The following CEP128 variants were observed in gnomAD, a reference collection of about 807,000 sequenced individuals.
CEP128 encodes centrosomal protein 128, also known as centrosomal protein 128kDa.
A neutral mutation model predicts 156.7 loss-of-function variants in CEP128; 132 were observed. The observed-to-expected ratio is 0.84, with a 90% CI of 0.73 to 0.97. CEP128 has a LOEUF of 0.97. CEP128 is among the 50% of genes least tolerant of loss of function. The pLI is 0.00. For missense variants in CEP128, 1,252 were observed against 1,281.9 expected (o/e 0.98, Z 0.36); for synonymous variants, 469 against 448.9 (o/e 1.04, Z -0.57).
intron 19 of CEP128, among the ~76,000 whole-genome samples, chr14:80,692,243 T>C (rs554413569): frequency 6.6e-5 from 10 of 152,296 alleles, no homozygotes; most frequent in African/African-American, 2.2e-4. Flanking sequence ...AAGCAGTAAA[T>C]GCAGAAGTTT....
chr14:80,951,664 A>C (rs1348274743), intron 2 of CEP128, among the ~76,000 whole-genome samples: 1 of 152,150 alleles, frequency 6.6e-6, no homozygotes, highest in African/African-American at 2.4e-5. Flanking sequence ...ATGTAATGTG[A>C]ATAATGACAT....
intron 19 of CEP128, among the ~76,000 whole-genome samples, chr14:80,612,959 GCCTCCC>G (rs1315850734): frequency 1.3e-5 from 2 of 150,406 alleles, no homozygotes; most frequent in Non-Finnish European, 3.0e-5. Flanking sequence ...TCCTGCCTCA[GCCTCCC>G]GAGTAGCTGG....
chr14:80,912,089 C>T (rs528625580), intron 4 of CEP128, among the ~76,000 whole-genome samples: 3 of 152,096 alleles, frequency 2.0e-5, no homozygotes, highest in Non-Finnish European at 2.9e-5. Flanking sequence ...TAGTGGCATG[C>T]GCCTGTTGTC....
At chr14:80,714,068 G>A (rs1041875098) in intron 19 of CEP128, among the ~76,000 whole-genome samples, 1 of 152,126 alleles carries the variant, frequency 6.6e-6, no homozygotes, top group African/African-American at 2.4e-5. Flanking sequence ...AATATTTGGA[G>A]AAGATAAATC....
chr14:80,684,214 A>G (rs1047111607), intron 19 of CEP128, among the ~76,000 whole-genome samples: 2 of 152,084 alleles, frequency 1.3e-5, no homozygotes, highest in African/African-American at 4.8e-5. Context: ...AACAAAGGGG[A>G]AAAAAATAGA....
intron 2 of CEP128, among the ~76,000 whole-genome samples, chr14:80,934,050 C>A (rs1262333989): frequency 6.6e-6 from 1 of 152,164 alleles, no homozygotes; most frequent in Non-Finnish European, 1.5e-5. Flanking sequence ...GCAAGCAAGT[C>A]ACTTACTGTG....
chr14:80,646,168 G>A (rs536490597), intron 19 of CEP128, among the ~76,000 whole-genome samples: 5 of 152,008 alleles, frequency 3.3e-5, no homozygotes, highest in African/African-American at 4.8e-5. Context: ...AACGTAAAAC[G>A]CCAAGAATGA....
chr14:80,764,805 C>T (rs1362184768), intron 16 of CEP128, among the ~76,000 whole-genome samples: 2 of 152,174 alleles, frequency 1.3e-5, no homozygotes, highest in Non-Finnish European at 2.9e-5. Flanking sequence ...TTAAACTAAA[C>T]AAACAAATCC....
chr14:80,684,358 A>C (rs1467460416), intron 19 of CEP128, among the ~76,000 whole-genome samples: 1 of 152,110 alleles, frequency 6.6e-6, no homozygotes, highest in East Asian at 1.9e-4. Context: ...CAAATGAATA[A>C]ATTCTTGAAA....
At chr14:80,743,728 A>G (rs950392331) in intron 18 of CEP128, among the ~76,000 whole-genome samples, 6 of 152,224 alleles carry the variant, frequency 3.9e-5, no homozygotes, top group African/African-American at 1.4e-4. Flanking sequence ...CTAATTAGGC[A>G]TGAGGAGAGA....
In CEP128 at chr14:80,900,116, T is replaced by G; in HGVS notation, c.481-87A>C. On this transcript the variant is annotated intron_variant, in intron 6 of 24. Transcript: ENST00000555265. The stretch of plus-strand genomic sequence containing the variant: ...ACCAAAGGTAAGAATAAGATCTTGT[T>G]CCTTGCAATAATAACCAGATTCCGT... 1.0e-5 allele frequency: 8 copies of G among 803,122 alleles called. No individual in the cohort carries two copies. The South Asian group carries it at 1.3e-4, about 13-fold the overall frequency. The allele number at this position is 803,122 out of a possible 1,614,324, so 49.7% of individuals were successfully genotyped here.
chr14:80,618,761 A>G (rs1893337654), intron 19 of CEP128, among the ~76,000 whole-genome samples: 1 of 152,208 alleles, frequency 6.6e-6, no homozygotes, highest in Non-Finnish European at 1.5e-5. Flanking sequence ...AAGCTATAGT[A>G]CCCAAACTTT....
At chr14:80,554,878 T>C (rs1445535366) in intron 21 of CEP128, among the ~76,000 whole-genome samples, 6 of 152,104 alleles carry the variant, frequency 3.9e-5, no homozygotes, top group Non-Finnish European at 8.8e-5. Flanking sequence ...ATATCTTATG[T>C]TGGGTGATAA....
At chr14:80,478,229 T>G (rs1031507492) in exon 15 of CEP128, 1 of 152,158 alleles carries the variant, frequency 6.6e-6, no homozygotes, top group African/African-American at 2.4e-5. Context: ...CAGTTATTGC[T>G]TAAGCCCCCA....
At chr14:80,499,671 TA>T (rs1306759621) in intron 24 of CEP128, among the ~76,000 whole-genome samples, 1 of 152,146 alleles carries the variant, frequency 6.6e-6, no homozygotes, top group Non-Finnish European at 1.5e-5. Context: ...ATTTTAGTCT[TA>T]AAAAACTAGA....
At chr14:80,920,865 G>T (rs1286291588) in intron 2 of CEP128, among the ~76,000 whole-genome samples, 1 of 152,156 alleles carries the variant, frequency 6.6e-6, no homozygotes, top group Admixed American at 6.5e-5. Context: ...CTGGATGTCA[G>T]CAGGTAATAA....
intron 2 of CEP128, among the ~76,000 whole-genome samples, chr14:80,935,589 AAT>A (rs1452758216): frequency 6.8e-6 from 1 of 146,178 alleles, no homozygotes; most frequent in South Asian, 2.2e-4. Context: ...TAAATAAATA[AAT>A]AAATAAATAA....
At chr14:80,534,824 C>CAAAAAAAA (rs371773612) in intron 21 of CEP128, among the ~76,000 whole-genome samples, 1 of 60,134 alleles carries the variant, frequency 1.7e-5, no homozygotes, top group Non-Finnish European at 3.0e-5. Context: ...GATTCCGTCT[C>CAAAAAAAA]AAAAAAAAAA....
chr14:80,708,987 T>A (rs1897312006), intron 19 of CEP128, among the ~76,000 whole-genome samples: 1 of 152,008 alleles, frequency 6.6e-6, no homozygotes, highest in African/African-American at 2.4e-5. Context: ...GATTTTCTAT[T>A]CTGTTCTAGT....
Sources: gnomAD v4.1 joint callset for allele counts (sites outside exome capture counted in the v4.1 genomes callset) on GRCh38, gnomAD v4.1.1 for gene constraint, MANE v1.5 for transcripts, NCBI Gene and HGNC (gene_info 2026-07-23, HGNC 2026-07-21) for gene names.